CACNB4: variants seen among roughly 807,000 people sequenced by gnomAD.
CACNB4 encodes calcium voltage-gated channel auxiliary subunit beta 4.
CACNB4 carries 32 observed loss-of-function variants against 71.2 expected under a neutral mutation model. That is an observed-to-expected ratio of 0.45 (90% CI 0.34 to 0.60). The LOEUF (loss-of-function observed/expected upper bound fraction) is 0.60. Among genes scored for constraint, CACNB4 ranks in the 20% least tolerant of loss-of-function variants. CACNB4 has a pLI of 0.01. For missense variants in CACNB4, 464 were observed against 647.9 expected (o/e 0.72, Z 3.08); for synonymous variants, 231 against 236.9 (o/e 0.97, Z 0.23).
At chr2:151,986,860 C>T (rs1681398277) in intron 2 of CACNB4, among the ~76,000 whole-genome samples, 1 of 152,120 alleles carries the variant, frequency 6.6e-6, no homozygotes, top group African/African-American at 2.4e-5. Flanking sequence ...GGGAGTCACA[C>T]ATTGAATTGT....
intron 2 of CACNB4, among the ~76,000 whole-genome samples, chr2:152,064,584 T>C (rs763560107): frequency 2.1e-4 from 32 of 152,142 alleles, no homozygotes; most frequent in Non-Finnish European, 4.0e-4. Flanking sequence ...GGTTTCACCA[T>C]GTTGGCCAGG....
intron 2 of CACNB4, among the ~76,000 whole-genome samples, chr2:152,022,386 A>G (rs1046329608): frequency 1.3e-5 from 2 of 152,248 alleles, no homozygotes; most frequent in African/African-American, 2.4e-5. Context: ...CATGTCTCCA[A>G]TGATATAAAA....
Position 151,836,923 on chromosome 2 carries a change from C to T in CACNB4, c.*2196G>A, listed in dbSNP as rs188719130. The T allele has an allele frequency of 1.3e-5, 2 of 151,972 alleles. No homozygotes were observed. The highest frequency in any genetic ancestry group is 2.9e-5 in the Non-Finnish European group (2 of 67,842). The allele number at this position is 151,972 out of a possible 1,614,324, so 9.4% of individuals were successfully genotyped here. A position where few individuals can be genotyped will look rare whatever the true frequency, so the allele number is the denominator to read the frequency against. ...GTCTAAATTTGTACACCTTGGTGCA[C>T]TCTTTGCAATTAAATACTTTAATGC... is the stretch of plus-strand genomic sequence containing the variant. On this transcript the variant is annotated 3_prime_UTR_variant, in exon 14 of 14. Transcript: ENST00000539935.
intron 2 of CACNB4, among the ~76,000 whole-genome samples, chr2:151,996,283 TCTC>T (rs979283325): frequency 2.0e-5 from 3 of 152,168 alleles, no homozygotes; most frequent in African/African-American, 7.2e-5. Context: ...AGGCTTAACC[TCTC>T]CTGTGTGCTC....
intron 2 of CACNB4, among the ~76,000 whole-genome samples, chr2:151,899,111 A>G (rs1272664153): frequency 6.6e-6 from 1 of 152,250 alleles, no homozygotes; most frequent in Non-Finnish European, 1.5e-5. Context: ...AGCATTCAGC[A>G]GGTTGAACTG....
intron 2 of CACNB4, among the ~76,000 whole-genome samples, chr2:152,053,444 G>A (rs924895207): frequency 6.6e-6 from 1 of 152,114 alleles, no homozygotes; most frequent in African/African-American, 2.4e-5. Flanking sequence ...CTAGCTGTTC[G>A]ATTGTATCCT....
At chr2:151,857,281 T>A (rs2151366163) in intron 10 of CACNB4, 1 of 152,314 alleles carries the variant, frequency 6.6e-6, no homozygotes, top group Middle Eastern at 3.4e-3. Context: ...TAAGGCATGA[T>A]CTGTATTAAA....
Position 151,984,735 on chromosome 2 carries a change from C to A in CACNB4, c.148-101365G>T, listed in dbSNP as rs78344734. ...CCAAAGGGTTAGGAAAGTTTCCTAA[C>A]ATCACACAACTCTGAAGACATAAAA... is the stretch of plus-strand genomic sequence containing the variant. On this transcript the variant is annotated intron_variant, in intron 2 of 13. Coordinates refer to ENST00000539935, the MANE Select transcript of CACNB4 (RefSeq NM_000726.5). 9.6e-3 allele frequency among the ~76,000 whole-genome samples: 1,467 copies of A among 152,254 alleles called. 25 individuals are homozygous for A. Among genetic ancestry groups the A allele is most frequent in the African/African-American group, 0.033 (1,373 of 41,554 alleles).
intron 2 of CACNB4, among the ~76,000 whole-genome samples, chr2:152,065,517 T>C (rs1579230946): frequency 6.6e-6 from 1 of 151,546 alleles, no homozygotes; most frequent in African/African-American, 2.4e-5. Flanking sequence ...AAAGAAAGAG[T>C]GCTGGGAAGA....
intron 2 of CACNB4, among the ~76,000 whole-genome samples, chr2:151,885,489 C>T (rs1241881184): frequency 2.6e-5 from 4 of 152,152 alleles, no homozygotes; most frequent in Admixed American, 2.0e-4. Context: ...GGACCTGGCA[C>T]ATAACAGGCA....
chr2:151,976,474 A>C (rs2099873822), intron 2 of CACNB4, among the ~76,000 whole-genome samples: 1 of 152,132 alleles, frequency 6.6e-6, no homozygotes, highest in Non-Finnish European at 1.5e-5. Flanking sequence ...TATTTTTCCC[A>C]CGCCTTCCAT....
In CACNB4 at chr2:151,913,630, G is replaced by T. The variant is rs1488265425; in HGVS notation, c.148-30260C>A. Among the ~76,000 whole-genome samples the T allele has an allele frequency of 7.2e-5, 11 of 152,038 alleles. No individual in the cohort carries two copies. In the East Asian group the frequency reaches 2.1e-3, roughly 29 times the overall value. ...AAATGCAAAAAAATCGCCAGGGGTG[G>T]TGATGGGTATCTGTAGTCCCAGCTA... On this transcript the variant is annotated intron_variant, in intron 2 of 13. Coordinates refer to ENST00000539935, the MANE Select transcript of CACNB4 (RefSeq NM_000726.5).
chr2:151,840,743 T>G (rs1178895564), intron 13 of CACNB4, among the ~76,000 whole-genome samples: 1 of 152,054 alleles, frequency 6.6e-6, no homozygotes, highest in Non-Finnish European at 1.5e-5. Context: ...TTTCAGAGAG[T>G]GCCATTTATC....
chr2:151,882,284 G>C (rs1289397223), intron 3 of CACNB4, among the ~76,000 whole-genome samples: 2 of 148,522 alleles, frequency 1.3e-5, no homozygotes, highest in African/African-American at 2.5e-5. Flanking sequence ...TATTTCCTGG[G>C]CCTAGGTGAT....
intron 2 of CACNB4, among the ~76,000 whole-genome samples, chr2:152,031,326 C>T (rs1176482380): frequency 6.6e-6 from 1 of 152,118 alleles, no homozygotes; most frequent in East Asian, 1.9e-4. Context: ...CCGAATAAGA[C>T]TCTGAGGGTA....
At chr2:151,928,932 C>A (rs1167543082) in intron 2 of CACNB4, among the ~76,000 whole-genome samples, 7 of 137,586 alleles carry the variant, frequency 5.1e-5, no homozygotes, top group Non-Finnish European at 9.3e-5. Context: ...AAAAAAAAAA[C>A]ATAATGCAAA....
At chr2:152,000,165 C>T (rs1234902507) in intron 2 of CACNB4, among the ~76,000 whole-genome samples, 1 of 152,176 alleles carries the variant, frequency 6.6e-6, no homozygotes, top group Non-Finnish European at 1.5e-5. Flanking sequence ...CACCACCCAC[C>T]TCACTCTTCA....
chr2:151,900,198 C>T (rs1338017057), intron 2 of CACNB4, among the ~76,000 whole-genome samples: 1 of 152,194 alleles, frequency 6.6e-6, no homozygotes, highest in African/African-American at 2.4e-5. Context: ...AAAAGGCATG[C>T]TTCTTGCCTT....
At chr2:151,973,012 G>A (rs2099873029) in intron 2 of CACNB4, 1 of 152,214 alleles carries the variant, frequency 6.6e-6, no homozygotes, top group Non-Finnish European at 1.5e-5. Flanking sequence ...ATTTCACCCT[G>A]ATTTTAACAG....
Sources: allele counts gnomAD v4.1 joint callset (sites outside exome capture counted in the v4.1 genomes callset), GRCh38; gene constraint gnomAD v4.1.1; transcripts MANE v1.5; gene names NCBI Gene and HGNC (gene_info 2026-07-23, HGNC 2026-07-21).